The following TRIM31 variants were observed in gnomAD, a reference collection of about 807,000 sequenced individuals.
TRIM31 encodes the protein tripartite motif containing 31, also known as E3 ubiquitin-protein ligase TRIM31.
A neutral mutation model predicts 40.6 loss-of-function variants in TRIM31; 31 were observed. The observed-to-expected ratio is 0.76, with a 90% CI of 0.57 to 1.03. TRIM31 has a LOEUF of 1.03. Among genes scored for constraint, TRIM31 ranks in the 50% least tolerant of loss-of-function variants. The probability of loss-of-function intolerance (pLI) is 0.00; values close to 1 mark genes in which losing one functional copy is unlikely to be tolerated. For synonymous variants in TRIM31, 164 were observed against 193.9 expected (o/e 0.85, Z 1.28); for missense variants, 455 against 497.5 (o/e 0.91, Z 0.81).
intron 6 of TRIM31, among the ~76,000 whole-genome samples, chr6:30,106,295 G>C (rs2517601): frequency 0.1 from 15,293 of 152,256 alleles, 950 homozygotes; most frequent in African/African-American, 0.13. Flanking sequence ...GACTGCTCAG[G>C]GGAGACGCGG....
At chr6:30,111,400 C>G (rs952156984) in intron 3 of TRIM31, 9 of 512,502 alleles carry the variant, frequency 1.8e-5, no homozygotes, top group Admixed American at 3.7e-5. Flanking sequence ...CCTGTACTTG[C>G]GATTCTAAGA....
chr6:30,103,512 G>A lies in TRIM31; in HGVS notation c.*24C>T. ...GCTCCGAAGTCCGTGTAGCACCACC[G>A]CTCCCCGTGTTCTCTGAGCTGGCTT... On this transcript the variant is annotated 3_prime_UTR_variant, in exon 9 of 9. Coordinates refer to ENST00000376734, the MANE Select transcript of TRIM31 (RefSeq NM_007028.5). The A allele has an allele frequency of 1.2e-6, 2 of 1,611,204 alleles. No individual in the cohort carries two copies. The highest frequency in any genetic ancestry group is 1.7e-6 in the Non-Finnish European group (2 of 1,178,886).
At position 30,105,241 on chromosome 6, in the gene TRIM31, GT is replaced by G. The variant is rs749936400; in HGVS notation, c.884del (p.Asp295AlafsTer18). The G allele has an allele frequency of 1.2e-6, 2 of 1,612,378 alleles. No individual in the cohort carries two copies. The highest frequency in any genetic ancestry group is 1.7e-6 in the Non-Finnish European group (2 of 1,179,718). On this transcript the variant is annotated frameshift_variant and splice_region_variant, in exon 7 of 9. Coordinates refer to ENST00000376734, the MANE Select transcript of TRIM31 (RefSeq NM_007028.5). LOFTEE classifies it high-confidence loss of function. ...SITGSLKKFKDQLQADRKKDE... is the reference protein window; with the variant it reads ...SITGSLKKFKXQLQADRKKDE... ...CTTTTTTCCTATCAGCCTGGAGTTGGTCTGGGGAATAAAGAATGGGATGAAA... is the reference window on the plus strand; with the variant it reads ...CTTTTTTCCTATCAGCCTGGAGTTGGCTGGGGAATAAAGAATGGGATGAAA...
intron 7 of TRIM31, 107 bp from the exon 8 acceptor site, chr6:30,104,274 T>A: frequency 8.9e-7 from 1 of 1,122,274 alleles, no homozygotes; most frequent in South Asian, 1.3e-5. Flanking sequence ...TCAATGGTTC[T>A]CAGTGGGACC....
chr6:30,106,306 G>A (rs969032689), intron 6 of TRIM31, among the ~76,000 whole-genome samples: 4 of 152,182 alleles, frequency 2.6e-5, no homozygotes, highest in Non-Finnish European at 5.9e-5. Context: ...GGAGACGCGG[G>A]GGCCCTCTTA....
chr6:30,103,290 C>A lies in TRIM31; in HGVS notation c.*246G>T, dbSNP rs1768357484. The A allele has an allele frequency of 1.6e-6, 1 of 621,022 alleles. No individual in the cohort carries two copies. Among genetic ancestry groups the A allele is most frequent in the African/African-American group, 1.8e-5 (1 of 54,296 alleles). The allele number at this position is 621,022 out of a possible 1,614,324, so 38.5% of individuals were successfully genotyped here. ...AAGTGATAAGAAGTCAAGCGTGGGG[C>A]GGGTGGCTGGAGATTGTCTCTTCCC... is the stretch of plus-strand genomic sequence containing the variant. On this transcript the variant is annotated 3_prime_UTR_variant, in exon 9 of 9. Coordinates refer to ENST00000376734, the MANE Select transcript of TRIM31 (RefSeq NM_007028.5).
chr6:30,110,324 A>G (rs1004719856), intron 4 of TRIM31, 124 bp downstream of exon 4: 2 of 803,240 alleles, frequency 2.5e-6, no homozygotes, highest in African/African-American at 3.4e-5. Flanking sequence ...TTGCTATTGG[A>G]CAGCACTGGG....
intron 1 of TRIM31, 55 bp from the exon 2 acceptor site, chr6:30,112,943 GT>G: frequency 1.4e-6 from 1 of 734,362 alleles, no homozygotes; most frequent in Non-Finnish European, 2.1e-6. Context: ...CTGCCAATTA[GT>G]TAGAAGAGCA....
rs762136544 is a variant in TRIM31, at chr6:30,110,537, C to G, written c.655G>C (p.Ala219Pro). The change falls in exon 4 of 9, where the codon GCC (alanine) becomes CCC (proline). Residue 219 changes from alanine (A) to proline (P), a missense_variant. Coordinates refer to ENST00000376734, the MANE Select transcript of TRIM31 (RefSeq NM_007028.5). The part of the protein sequence containing the change: ...EGTEAGKHYV[A>P]STEPQLNDLK... ...TCGTTCAACTGTGGCTCAGTGGAGGCAACATAGTGTTTCCCCGCTTCCGTT... is the reference window on the plus strand; with the variant it reads ...TCGTTCAACTGTGGCTCAGTGGAGGGAACATAGTGTTTCCCCGCTTCCGTT... 5 of 1,614,058 alleles carry G rather than the reference C, an allele frequency of 3.1e-6. No individual in the cohort carries two copies. The highest frequency in any genetic ancestry group is 4.2e-6 in the Non-Finnish European group (5 of 1,180,046).
chr6:30,103,576 G>A lies in TRIM31; in HGVS notation c.1238C>T (p.Thr413Ile). The A allele has an allele frequency of 6.2e-7, 1 of 1,612,726 alleles. No homozygotes were observed. Among genetic ancestry groups the A allele is most frequent in the Non-Finnish European group, 8.5e-7 (1 of 1,179,776 alleles). The change falls in exon 9 of 9, where the codon ACA becomes ATA. Residue 413 changes from threonine to isoleucine, a missense_variant. Physicochemically the swap from Thr to Ile is moderately conservative, Grantham distance 89. Coordinates refer to ENST00000376734, the MANE Select transcript of TRIM31 (RefSeq NM_007028.5). ...CTCACAAAACCAAGCCCGGATCGCTGTCAGCCACTCACTCAGTGCCGCATG... is the reference window on the plus strand; with the variant it reads ...CTCACAAAACCAAGCCCGGATCGCTATCAGCCACTCACTCAGTGCCGCATG... ...ELHAALSEWL[T>I]AIRAWFCEVP...
At chr6:30,108,775 C>T (rs1768999918) in intron 5 of TRIM31, 5 of 595,136 alleles carry the variant, frequency 8.4e-6, no homozygotes, top group South Asian at 2.0e-5. Context: ...AGCAAGGGGG[C>T]ATTCAGGAAA....
intron 5 of TRIM31, among the ~76,000 whole-genome samples, chr6:30,108,520 C>T (rs867833507): frequency 7.0e-6 from 1 of 142,574 alleles, no homozygotes; most frequent in African/African-American, 2.6e-5. Context: ...GATTGCACCA[C>T]TGCACTCCAG....
intron 2 of TRIM31, 25 bp from the exon 3 acceptor site, chr6:30,111,768 A>G (rs1769356554): frequency 1.9e-6 from 3 of 1,611,666 alleles, no homozygotes; most frequent in African/African-American, 1.3e-5. Flanking sequence ...CCGTTTGGAC[A>G]GGCTGTGCCT....
In TRIM31 at chr6:30,112,635, T is replaced by C; in HGVS notation, c.171A>G (p.Lys57=). The change falls in exon 2 of 9, where the codon AAA becomes AAG. Residue 57 remains lysine, a synonymous_variant. Coordinates refer to ENST00000376734, the MANE Select transcript of TRIM31 (RefSeq NM_007028.5). ...SCGFFKCPLC[K]TSVRKNAIRF... ...TGATTGCGTTCTTCCTTACGGAAGT[T>C]TTGCAGAGGGGACATTTGAAAAATC... 1 of 1,613,060 alleles carries C rather than the reference T, an allele frequency of 6.2e-7. No individual in the cohort carries two copies. The highest frequency in any genetic ancestry group is 8.5e-7 in the Non-Finnish European group (1 of 1,180,038).
chr6:30,105,440 C>T (rs1768581032), intron 6 of TRIM31, 198 bp from the exon 7 acceptor site: 2 of 514,164 alleles, frequency 3.9e-6, no homozygotes, highest in East Asian at 3.1e-5. Flanking sequence ...GACTGCCTAG[C>T]CCAGCACTGT....
rs1769487301 is a variant in TRIM31, at chr6:30,112,724, T to G, written c.82A>C (p.Thr28Pro). 5 of 1,613,082 alleles carry G rather than the reference T, an allele frequency of 3.1e-6. No individual in the cohort carries two copies. Among genetic ancestry groups the G allele is most frequent in the Non-Finnish European group, 4.2e-6 (5 of 1,180,014 alleles). Reference sequence around the variant, plus strand: ...CAGAAATTGTGCCCACAGTCGATGGTGACAGGTTTCTGCAGAATGTCCAGG... The same window carrying G: ...CAGAAATTGTGCCCACAGTCGATGGGGACAGGTTTCTGCAGAATGTCCAGG... ...ICLDILQKPV[T>P]IDCGHNFCLK... Residue 28 changes from threonine (T) to proline (P), a missense_variant, in exon 2 of 9, where the codon ACC becomes CCC. By Grantham distance (38) the Thr-to-Pro change is conservative. Transcript: ENST00000376734.
chr6:30,105,339 G>A, intron 6 of TRIM31, 97 bp from the exon 7 acceptor site: 2 of 919,016 alleles, frequency 2.2e-6, no homozygotes, highest in Non-Finnish European at 3.4e-6. Context: ...AAATGCCTGG[G>A]AGAAGTAGAA....
chr6:30,108,785 ATAG>A (rs1408995742), intron 5 of TRIM31: 7 of 604,236 alleles, frequency 1.2e-5, no homozygotes, highest in East Asian at 8.3e-5. Flanking sequence ...CATTCAGGAA[ATAG>A]TAGAATCTGT....
intron 7 of TRIM31, 137 bp from the exon 8 acceptor site, chr6:30,104,304 A>T: frequency 1.2e-6 from 1 of 842,524 alleles, no homozygotes; most frequent in Non-Finnish European, 1.9e-6. Context: ...CCCAGGGGGA[A>T]GTGTGGAAAC....
Sources: gnomAD v4.1 joint callset for allele counts (sites outside exome capture counted in the v4.1 genomes callset) on GRCh38, gnomAD v4.1.1 for gene constraint, MANE v1.5 for transcripts, NCBI Gene and HGNC (gene_info 2026-07-23, HGNC 2026-07-21) for gene names.